Variants in SYP observed in about 807,000 individuals in gnomAD.
SYP encodes the protein major synaptic vesicle protein P38.
A neutral mutation model predicts 24.3 loss-of-function variants in SYP; 2 were observed. The observed-to-expected ratio is 0.08, with a 90% CI of 0.03 to 0.26. The LOEUF is 0.26. SYP is among the 10% of genes least tolerant of loss of function. The probability of loss-of-function intolerance (pLI) is 1.00; values close to 1 mark genes in which losing one functional copy is unlikely to be tolerated. For missense variants in SYP, 216 were observed against 266.3 expected (o/e 0.81, Z 1.32); for synonymous variants, 143 against 123.2 (o/e 1.16, Z -1.07).
intron 3 of SYP, among the ~76,000 whole-genome samples, chrX:49,194,704 C>CTTTTTTTTT (rs34247999): frequency 3.0e-4 from 17 of 57,408 alleles, no homozygotes; most frequent in East Asian, 4.9e-4. Context: ...CCCTCATCTC[C>CTTTTTTTTT]TTTTTTTTTT....
intron 3 of SYP, among the ~76,000 whole-genome samples, chrX:49,195,987 G>A (rs1230562101): frequency 3.6e-5 from 4 of 111,368 alleles, no homozygotes; most frequent in African/African-American, 1.3e-4. Flanking sequence ...TCAGGAGAGG[G>A]GGTCCCTAAG....
At chrX:49,199,861 T>G (rs2065544440) in intron 1 of SYP, among the ~76,000 whole-genome samples, 1 of 105,753 alleles carries the variant, frequency 9.5e-6, no homozygotes, top group African/African-American at 3.5e-5. Context: ...TTGCCCTCAC[T>G]CCAGCCCCCA....
At chrX:49,197,463 T>C in intron 3 of SYP, 1 of 418,025 alleles carries the variant, frequency 2.4e-6, no homozygotes, top group East Asian at 4.0e-5. Context: ...TACTTTTGTA[T>C]CTTGTTTATT....
At position 49,189,267 on chromosome X, in the gene SYP, C is replaced by T. The variant is rs1389971124; in HGVS notation, c.*20G>A. On this transcript the variant is annotated 3_prime_UTR_variant, in exon 7 of 7. Coordinates refer to ENST00000263233, the MANE Select transcript of SYP (RefSeq NM_003179.3). ...TGAGCTCTTGCCCCCCCCAGGTCCT[C>T]CTGGGCTTCACTGACCTGTAGAGAC... is the stretch of plus-strand genomic sequence containing the variant. 1 of 109,619 alleles carries T rather than the reference C, an allele frequency of 9.1e-6. No individual in the cohort carries two copies. The highest frequency in any genetic ancestry group is 1.9e-5 in the Non-Finnish European group (1 of 52,569). The allele number at this position is 109,619 out of a possible 1,213,427, so 9.0% of individuals were successfully genotyped here. A position where few individuals can be genotyped will look rare whatever the true frequency, so the allele number is the denominator to read the frequency against.
intron 5 of SYP, 151 bp from the exon 6 acceptor site, chrX:49,191,914 G>T (rs2065511196): frequency 3.1e-6 from 2 of 652,207 alleles, no homozygotes; most frequent in East Asian, 7.1e-5. Context: ...CGAGAACGTC[G>T]ATGTGCAGAA....
In SYP at chrX:49,193,294, G is replaced by A. The variant is rs199590018; in HGVS notation, c.593C>T (p.Thr198Ile). 131 of 1,210,853 alleles carry A rather than the reference G, an allele frequency of 1.1e-4. No individual in the cohort carries two copies. Among genetic ancestry groups the A allele is most frequent in the Non-Finnish European group, 1.4e-4 (129 of 895,318 alleles). ...TACCACCGAGGTGTTGAGTCCCGAGGTCACAGGGTCTCTCAGCTCCTTGCA... is the reference window on the plus strand; with the variant it reads ...TACCACCGAGGTGTTGAGTCCCGAGATCACAGGGTCTCTCAGCTCCTTGCA... ...NTCKELRDPV[T>I]SGLNTSVVFG... The change falls in exon 5 of 7, where the codon ACC becomes ATC. Residue 198 changes from threonine to isoleucine, a missense_variant. By Grantham distance (89) the Thr-to-Ile change is moderately conservative. This residue lies in a region of SYP where 114 missense variants were observed against 107.9 expected (regional missense o/e 1.06). Transcript: ENST00000263233.
At position 49,191,489 on chromosome X, in the gene SYP, T is replaced by C; in HGVS notation, c.890A>G (p.Gln297Arg). 8.3e-7 allele frequency: 1 copy of C among 1,211,769 alleles called. No individual in the cohort carries two copies. The highest frequency in any genetic ancestry group is 1.1e-6 in the Non-Finnish European group (1 of 895,557). ...TGCACCCTGCGGGCCGTAGCCTTGC[T>C]GCCCATAGTCGCCCTGAGGCCCGTA... ...SGYGPQGDYG[Q>R]QGYGPQGAPT... is the part of the protein sequence containing the mutation. The change falls in exon 6 of 7, where the codon CAG (glutamine) becomes CGG (arginine). Residue 297 changes from glutamine (Q) to arginine (R), a missense_variant. Physicochemically the swap from Gln to Arg is conservative, Grantham distance 43. Coordinates refer to ENST00000263233, the MANE Select transcript of SYP (RefSeq NM_003179.3).
chrX:49,189,883 C>A, intron 6 of SYP, among the ~76,000 whole-genome samples: 1 of 111,376 alleles, frequency 9.0e-6, no homozygotes, highest in East Asian at 2.8e-4. Flanking sequence ...TAACAGAATC[C>A]CTCCAGATGC....
At chrX:49,196,858 A>C (rs188668119) in intron 3 of SYP, among the ~76,000 whole-genome samples, 2 of 112,293 alleles carry the variant, frequency 1.8e-5, no homozygotes, top group East Asian at 5.5e-4. Context: ...TTTTCCCTAT[A>C]TCTAAGCAGC....
Position 49,191,422 on chromosome X carries a change from C to T in SYP, c.*4+11G>A, listed in dbSNP as rs1219958595. The T allele has an allele frequency of 5.8e-6, 7 of 1,207,876 alleles. No homozygotes were observed. Among genetic ancestry groups the T allele is most frequent in the South Asian group, 1.8e-5 (1 of 56,405 alleles). Reference sequence around the variant, plus strand: ...TACCCTCCTTGGCCGCACCGCTCGCCGGTCACTCACCAGACTACATCTGAT... The same window carrying T: ...TACCCTCCTTGGCCGCACCGCTCGCTGGTCACTCACCAGACTACATCTGAT... On this transcript the variant is annotated intron_variant, in intron 6 of 6. Coordinates refer to ENST00000263233, the MANE Select transcript of SYP (RefSeq NM_003179.3).
rs939513444 is a variant in SYP at position 49,197,804 on chromosome X, G to A, written c.138C>T (p.Ser46=). 5 of 1,209,241 alleles carry A rather than the reference G, an allele frequency of 4.1e-6. No homozygotes were observed. Among genetic ancestry groups the A allele is most frequent in the Non-Finnish European group, 5.6e-6 (5 of 894,126 alleles). Residue 46 remains serine (S), a synonymous_variant, in exon 3 of 7, where the codon AGC becomes AGT. Coordinates refer to ENST00000263233, the MANE Select transcript of SYP (RefSeq NM_003179.3). ...FAIFAFATCG[S]YSGELQLSVD... ...CGCTCAGCTGGAGCTCCCCACTGTAGCTGCCGCATGTGGCAAAGGCGAAGA... is the reference window on the plus strand; with the variant it reads ...CGCTCAGCTGGAGCTCCCCACTGTAACTGCCGCATGTGGCAAAGGCGAAGA...
intron 1 of SYP, among the ~76,000 whole-genome samples, chrX:49,199,471 C>T (rs1452857520): frequency 1.2e-4 from 12 of 100,795 alleles, no homozygotes; most frequent in African/African-American, 4.5e-4. Context: ...GTGTGTTAGA[C>T]GGCGGTGGCG....
At chrX:49,194,482 C>T (rs782297402) in intron 3 of SYP, 121 bp from the exon 4 acceptor site, 9 of 651,772 alleles carry the variant, frequency 1.4e-5, no homozygotes, top group South Asian at 8.0e-5. Flanking sequence ...AACCATTCAT[C>T]GAGCACCTAC....
intron 3 of SYP, among the ~76,000 whole-genome samples, chrX:49,195,205 G>C (rs2065524721): frequency 9.3e-6 from 1 of 107,844 alleles, no homozygotes; most frequent in Non-Finnish European, 1.9e-5. Context: ...GGTTTTTGCT[G>C]TAACTACAAG....
chrX:49,200,065 C>A, intron 1 of SYP, 86 bp downstream of exon 1: 2 of 1,109,077 alleles, frequency 1.8e-6, no homozygotes, highest in South Asian at 1.9e-5. Flanking sequence ...ACCCTGGCCA[C>A]CACCTCCCAG....
chrX:49,191,356 T>G, intron 6 of SYP, 77 bp downstream of exon 6: 1 of 1,100,730 alleles, frequency 9.1e-7, no homozygotes, highest in Non-Finnish European at 1.2e-6. Context: ...TCTCTACCCC[T>G]GACTCTTATT....
In SYP at chrX:49,193,285, A is replaced by C; in HGVS notation, c.602T>G (p.Leu201Arg). 1 of 1,211,648 alleles carries C rather than the reference A, an allele frequency of 8.3e-7. No individual in the cohort carries two copies. Among genetic ancestry groups the C allele is most frequent in the Non-Finnish European group, 1.1e-6 (1 of 895,432 alleles). ...KELRDPVTSG[L>R]NTSVVFGFLN... The stretch of plus-strand genomic sequence containing the variant: ...CCCAGGGCTTACCACCGAGGTGTTG[A>C]GTCCCGAGGTCACAGGGTCTCTCAG... The change falls in exon 5 of 7, where the codon CTC (leucine) becomes CGC (arginine). Residue 201 changes from leucine (L) to arginine (R), a missense_variant. This residue lies in a region of SYP where 114 missense variants were observed against 107.9 expected (regional missense o/e 1.06). Coordinates refer to ENST00000263233, the MANE Select transcript of SYP (RefSeq NM_003179.3).
Position 49,188,526 on chromosome X carries a change from G to T in SYP, c.*761C>A, listed in dbSNP as rs1557102258. 1 of 110,438 alleles carries T rather than the reference G, an allele frequency of 9.1e-6. No homozygotes were observed. The highest frequency in any genetic ancestry group is 3.3e-5 in the African/African-American group (1 of 30,225). The allele number at this position is 110,438 out of a possible 1,213,427, so 9.1% of individuals were successfully genotyped here. ...TAGAATCAAGCTCAGTCTCCCAAAT[G>T]TTCCAAGCCACACCCTTTCCATAGG... On this transcript the variant is annotated 3_prime_UTR_variant, in exon 7 of 7. Transcript: ENST00000263233.
At chrX:49,191,792 ACCCCG>A (rs1400939829) in intron 5 of SYP, 29 bp from the exon 6 acceptor site, 8 of 1,179,527 alleles carry the variant, frequency 6.8e-6, no homozygotes, top group Non-Finnish European at 9.1e-6. Context: ...CGGCTGTGGT[ACCCCG>A]CCCATTGCCT....
Sources: allele counts gnomAD v4.1 joint callset (sites outside exome capture counted in the v4.1 genomes callset), GRCh38; gene constraint gnomAD v4.1.1; regional missense constraint gnomAD v4.1.1; transcripts MANE v1.5; gene names NCBI Gene and HGNC (gene_info 2026-07-23, HGNC 2026-07-21).